KLHL4: variants seen among roughly 807,000 people sequenced by gnomAD.
The protein encoded by KLHL4 is kelch like family member 4.
Under a neutral mutation model 45.8 loss-of-function variants are expected in KLHL4, and 17 were observed. The ratio of observed to expected loss-of-function variants is 0.37; its 90% CI spans 0.25 to 0.56. The LOEUF (loss-of-function observed/expected upper bound fraction) is 0.56, where lower values mean the gene tolerates loss of function less well. Ranked by LOEUF, KLHL4 falls within the 20% of genes least tolerant of loss-of-function variation. KLHL4 has a pLI of 0.79. For missense variants in KLHL4, 544 were observed against 544.9 expected, an observed-to-expected ratio of 1.00 and a Z score of 0.02; for synonymous variants, 224 against 189.9, an observed-to-expected ratio of 1.18 and a Z score of -1.47.
intron 1 of KLHL4, among the ~76,000 whole-genome samples, chrX:87,574,015 T>C (rs368991115): frequency 8.9e-6 from 1 of 111,823 alleles, no homozygotes; most frequent in South Asian, 3.6e-4. Flanking sequence ...TGACAACAGA[T>C]AGCTAAATAA....
chrX:87,547,042 T>C (rs1029022444), intron 1 of KLHL4, among the ~76,000 whole-genome samples: 2 of 111,834 alleles, frequency 1.8e-5, no homozygotes, highest in African/African-American at 6.5e-5. Flanking sequence ...AGACTTAGAC[T>C]TTTCTGTTAA....
rs1048029748 is a variant in KLHL4 at position 87,626,653 on chromosome X, A to T, written c.1324+857A>T. On this transcript the variant is annotated intron_variant, in intron 6 of 10. Transcript: ENST00000373119. ...ATTGTGAGGGATGTATGTAGCTTTA[A>T]AAAAAAAAAAAACTCAGTATTTATC... is the stretch of plus-strand genomic sequence containing the variant. 5.5e-3 allele frequency among the ~76,000 whole-genome samples: 588 copies of T among 107,369 alleles called. 4 individuals are homozygous for T. Among genetic ancestry groups the T allele is most frequent in the African/African-American group, 0.018 (539 of 29,740 alleles). 93.2% of individuals were successfully genotyped at this position (107,369 alleles called of 115,157 possible).
intron 9 of KLHL4, among the ~76,000 whole-genome samples, chrX:87,660,393 T>G (rs1308420500): frequency 8.9e-6 from 1 of 112,402 alleles, no homozygotes; most frequent in Non-Finnish European, 1.9e-5. Context: ...ACTTATAACT[T>G]CTTTATAAAA....
chrX:87,519,786 A>G (rs1310993456), intron 1 of KLHL4, among the ~76,000 whole-genome samples: 2 of 112,296 alleles, frequency 1.8e-5, no homozygotes, highest in Non-Finnish European at 3.8e-5. Flanking sequence ...TTGGAGATTA[A>G]TAAATGAATT....
chrX:87,646,506 C>A (rs1007931802), intron 9 of KLHL4, among the ~76,000 whole-genome samples: 3 of 111,383 alleles, frequency 2.7e-5, no homozygotes, highest in African/African-American at 9.8e-5. Context: ...ACTATAAGGC[C>A]ATACTCTCCA....
intron 1 of KLHL4, among the ~76,000 whole-genome samples, chrX:87,519,931 T>C (rs1401714692): frequency 8.9e-6 from 1 of 112,417 alleles, no homozygotes; most frequent in Non-Finnish European, 1.9e-5. Context: ...AGGTAAAATG[T>C]CACATTTAAA....
At position 87,614,036 on chromosome X, in the gene KLHL4, A is replaced by T; in HGVS notation, c.582A>T (p.Pro194=). 8.4e-7 allele frequency: 1 copy of T among 1,195,872 alleles called. No homozygotes were observed. ...TGATTGCAGGACACCTCCGCATCCC[A>T]GCCCATAGGTAAGTATTTTTATGTA... ...VLLIAGHLRI[P]AHRLVLSAVS... is the part of the protein sequence containing the mutation. Residue 194 remains proline (P), a synonymous_variant, in exon 2 of 11, where the codon CCA becomes CCT. Coordinates refer to ENST00000373119, the MANE Select transcript of KLHL4 (RefSeq NM_019117.5).
chrX:87,628,571 T>C (rs1021993291), intron 6 of KLHL4, among the ~76,000 whole-genome samples: 16 of 111,635 alleles, frequency 1.4e-4, no homozygotes, highest in Non-Finnish European at 2.3e-4. Flanking sequence ...TTGCTTCAGT[T>C]ATTTTTAAAA....
At position 87,568,391 on chromosome X, in the gene KLHL4, C is replaced by CTTTTTTTTTTT. The variant is rs58586775; in HGVS notation, c.423-45477_423-45467dup. ...TTTTTTCTTTTTCTTTTCTTTTTTT[C>CTTTTTTTTTTT]TTTTTTTTTTTTTTTTTTTGCAGAA... On this transcript the variant is annotated intron_variant, in intron 1 of 10. Transcript: ENST00000373119. Among the ~76,000 whole-genome samples the CTTTTTTTTTTT allele has an allele frequency of 2.1e-4, 12 of 57,494 alleles. 1 individual carries two copies. Among genetic ancestry groups the CTTTTTTTTTTT allele is most frequent in the African/African-American group, 2.2e-4 (3 of 13,360 alleles). The allele number at this position is 57,494 out of a possible 115,157, so 49.9% of individuals were successfully genotyped here.
intron 1 of KLHL4, among the ~76,000 whole-genome samples, chrX:87,557,305 G>A (rs1932000009): frequency 8.9e-6 from 1 of 111,761 alleles, no homozygotes; most frequent in Non-Finnish European, 1.9e-5. Context: ...ATACAAGACA[G>A]TTTTCTTCTT....
Position 87,517,886 on chromosome X carries a change from C to T in KLHL4, c.-8C>T. The T allele has an allele frequency of 8.4e-7, 1 of 1,192,021 alleles. No homozygotes were observed. The highest frequency in any genetic ancestry group is 1.1e-6 in the Non-Finnish European group (1 of 885,704). On this transcript the variant is annotated 5_prime_UTR_variant, in exon 1 of 11. Coordinates refer to ENST00000373119, the MANE Select transcript of KLHL4 (RefSeq NM_019117.5). ...TGAGAGAAGGCTTTTGTCTTTCCTC[C>T]TGCTACGATGTCAGTGTCTGGCAAG...
chrX:87,582,199 A>G (rs771293121), intron 1 of KLHL4, among the ~76,000 whole-genome samples: 5 of 112,019 alleles, frequency 4.5e-5, no homozygotes, highest in Non-Finnish European at 9.4e-5. Flanking sequence ...AAGTATCTAC[A>G]TAGAAAAAAC....
intron 1 of KLHL4, among the ~76,000 whole-genome samples, chrX:87,548,312 G>T (rs1255528220): frequency 9.0e-6 from 1 of 111,500 alleles, no homozygotes; most frequent in Non-Finnish European, 1.9e-5. Context: ...ACAAACAAAA[G>T]CTAAAGATTT....
chrX:87,528,273 T>C (rs1468257453), intron 1 of KLHL4, among the ~76,000 whole-genome samples: 16 of 111,449 alleles, frequency 1.4e-4, no homozygotes, highest in African/African-American at 4.9e-4. Context: ...GTAAGCTTAA[T>C]AATAGACTAG....
Position 87,523,950 on chromosome X carries a change from G to C in KLHL4, c.422+5635G>C, listed in dbSNP as rs191732465. On this transcript the variant is annotated intron_variant, in intron 1 of 10. Coordinates refer to ENST00000373119, the MANE Select transcript of KLHL4 (RefSeq NM_019117.5). ...TACACTCCAGCCTGGGCGACAGAGT[G>C]AAACTCCGTCTCAAAAAAATAAATA... 3.7e-3 allele frequency among the ~76,000 whole-genome samples: 415 copies of C among 110,727 alleles called. 1 individual carries two copies. The highest frequency in any genetic ancestry group is 7.1e-3 in the Non-Finnish European group (377 of 52,921).
chrX:87,560,902 T>C (rs1322503906), intron 1 of KLHL4, among the ~76,000 whole-genome samples: 1 of 111,792 alleles, frequency 8.9e-6, no homozygotes, highest in African/African-American at 3.3e-5. Context: ...AATAAACATG[T>C]AAGTGCTGAT....
intron 1 of KLHL4, among the ~76,000 whole-genome samples, chrX:87,527,782 G>T (rs1259442798): frequency 2.9e-5 from 3 of 101,960 alleles, no homozygotes; most frequent in Non-Finnish European, 5.9e-5. Context: ...AGGAAAGAAA[G>T]ACTCTCTCTG....
chrX:87,642,377 A>C (rs1309457332), intron 9 of KLHL4, among the ~76,000 whole-genome samples: 1 of 111,727 alleles, frequency 9.0e-6, no homozygotes, highest in African/African-American at 3.3e-5. Flanking sequence ...TGTGGGACAA[A>C]AGAAATCTGA....
chrX:87,554,198 C>T (rs1223516823), intron 1 of KLHL4, among the ~76,000 whole-genome samples: 1 of 71,108 alleles, frequency 1.4e-5, no homozygotes, highest in South Asian at 8.6e-4. Context: ...CTTGGTGATG[C>T]GGGCTCTTTT....
Sources: allele counts gnomAD v4.1 joint callset (sites outside exome capture counted in the v4.1 genomes callset), GRCh38; gene constraint gnomAD v4.1.1; transcripts MANE v1.5; gene names NCBI Gene and HGNC (gene_info 2026-07-23, HGNC 2026-07-21).